Variants in LMTK2 observed in about 807,000 individuals in gnomAD.
LMTK2 encodes lemur tail kinase 2.
LMTK2 carries 37 observed loss-of-function variants against 127.5 expected under a neutral mutation model. That is an observed-to-expected ratio of 0.29 (90% CI 0.22 to 0.38). LMTK2 has a LOEUF of 0.38. LMTK2 is among the 10% of genes least tolerant of loss of function. The probability of loss-of-function intolerance (pLI) is 1.00; values close to 1 mark genes in which losing one functional copy is unlikely to be tolerated. For missense variants in LMTK2, 1,694 were observed against 1,920.3 expected (o/e 0.88, Z 2.20); for synonymous variants, 819 against 810.1 (o/e 1.01, Z -0.19).
chr7:98,122,726 G>GTGTA (rs1416979353), intron 1 of LMTK2, among the ~76,000 whole-genome samples: 99 of 14,206 alleles, frequency 7.0e-3, no homozygotes, highest in African/African-American at 0.016. Context: ...GTGTGTGTGT[G>GTGTA]TATATATATA....
intron 11 of LMTK2, among the ~76,000 whole-genome samples, chr7:98,196,515 G>A (rs1031550439): frequency 1.3e-5 from 2 of 152,196 alleles, no homozygotes; most frequent in Admixed American, 1.3e-4. Context: ...GGACGGAACT[G>A]TCAACTGTGC....
intron 2 of LMTK2, among the ~76,000 whole-genome samples, chr7:98,139,279 T>C (rs1796643391): frequency 6.6e-6 from 1 of 152,150 alleles, no homozygotes; most frequent in South Asian, 2.1e-4. Flanking sequence ...CATTCCCTGC[T>C]AAGTTTTGTA....
At chr7:98,137,683 A>G (rs898555618) in intron 2 of LMTK2, among the ~76,000 whole-genome samples, 24 of 152,262 alleles carry the variant, frequency 1.6e-4, no homozygotes, top group Non-Finnish European at 2.9e-4. Flanking sequence ...CTTTGTGCCA[A>G]TAAAACTTTA....
chr7:98,188,997 C>T (rs1797479360), intron 9 of LMTK2, among the ~76,000 whole-genome samples: 1 of 152,182 alleles, frequency 6.6e-6, no homozygotes, highest in African/African-American at 2.4e-5. Context: ...CCCTTCACTC[C>T]TTTTCATTCT....
At chr7:98,164,123 CCT>C (rs1797055632) in intron 6 of LMTK2, among the ~76,000 whole-genome samples, 1 of 152,186 alleles carries the variant, frequency 6.6e-6, no homozygotes, top group Admixed American at 6.5e-5. Flanking sequence ...AATGAAAACT[CCT>C]CTGAGTGCAT....
intron 1 of LMTK2, among the ~76,000 whole-genome samples, chr7:98,112,022 T>C (rs1036020008): frequency 1.3e-5 from 2 of 152,250 alleles, no homozygotes; most frequent in African/African-American, 4.8e-5. Context: ...ATGCTGATTT[T>C]AATTTATTTA....
At chr7:98,137,085 G>C (rs904252314) in intron 1 of LMTK2, among the ~76,000 whole-genome samples, 1 of 152,138 alleles carries the variant, frequency 6.6e-6, no homozygotes. Flanking sequence ...GTGGAAGCTG[G>C]GTGAAGGCTG....
intron 6 of LMTK2, among the ~76,000 whole-genome samples, chr7:98,166,548 G>T (rs1463556285): frequency 6.6e-6 from 1 of 152,160 alleles, no homozygotes; most frequent in Non-Finnish European, 1.5e-5. Flanking sequence ...AAGTAAAAAA[G>T]TTACAGTAAG....
chr7:98,159,484 T>C, intron 6 of LMTK2, 59 bp downstream of exon 6: 1 of 1,148,566 alleles, frequency 8.7e-7, no homozygotes. Context: ...CAAGTGTTTT[T>C]GACAGATGGA....
At chr7:98,117,061 C>T (rs1562895094) in intron 1 of LMTK2, among the ~76,000 whole-genome samples, 1 of 152,226 alleles carries the variant, frequency 6.6e-6, no homozygotes, top group Non-Finnish European at 1.5e-5. Flanking sequence ...CACTTGATCA[C>T]CTGGCTGAGT....
At chr7:98,120,933 T>G (rs1796351853) in intron 1 of LMTK2, among the ~76,000 whole-genome samples, 1 of 152,190 alleles carries the variant, frequency 6.6e-6, no homozygotes, top group African/African-American at 2.4e-5. Context: ...TAGTTTTCTG[T>G]ATTGAAAAGA....
chr7:98,193,866 A>G lies in LMTK2; in HGVS notation c.3401A>G (p.Gln1134Arg). 6.2e-7 allele frequency: 1 copy of G among 1,614,058 alleles called. No homozygotes were observed. The highest frequency in any genetic ancestry group is 8.5e-7 in the Non-Finnish European group (1 of 1,180,036). ...TCCGCCTTGGTGTTGGTACAGGAGCAGCCCCTACCCGAGCCAGTCCTCCCC... is the reference window on the plus strand; with the variant it reads ...TCCGCCTTGGTGTTGGTACAGGAGCGGCCCCTACCCGAGCCAGTCCTCCCC... ...SPSALVLVQEQPLPEPVLPEQ... is the reference protein window; with the variant it reads ...SPSALVLVQERPLPEPVLPEQ... The change falls in exon 11 of 14, where the codon CAG becomes CGG. Residue 1134 changes from glutamine to arginine, a missense_variant. Physicochemically the swap from Gln to Arg is conservative, Grantham distance 43. Coordinates refer to ENST00000297293, the MANE Select transcript of LMTK2 (RefSeq NM_014916.4). This position sits in a 1 kb window ranked among gnomAD's most constrained non-coding sequence, Gnocchi z 4.1.
intron 2 of LMTK2, among the ~76,000 whole-genome samples, chr7:98,139,844 A>G (rs921819575): frequency 1.3e-5 from 2 of 152,198 alleles, no homozygotes; most frequent in Non-Finnish European, 2.9e-5. Context: ...ATAAAAGTTC[A>G]TAGACTGTTC....
chr7:98,179,504 G>A (rs1797321018), intron 7 of LMTK2, among the ~76,000 whole-genome samples: 1 of 152,158 alleles, frequency 6.6e-6, no homozygotes, highest in Non-Finnish European at 1.5e-5. Flanking sequence ...AGTCGCAGCT[G>A]TTGGCCCAGT....
chr7:98,164,657 G>A (rs1797065805), intron 6 of LMTK2, among the ~76,000 whole-genome samples: 1 of 152,162 alleles, frequency 6.6e-6, no homozygotes, highest in African/African-American at 2.4e-5. Flanking sequence ...CAGGATCACT[G>A]GGGAAGGCTT....
chr7:98,133,312 A>C (rs1486140141), intron 1 of LMTK2, among the ~76,000 whole-genome samples: 1 of 152,068 alleles, frequency 6.6e-6, no homozygotes, highest in Non-Finnish European at 1.5e-5. Flanking sequence ...TTTCTTTATC[A>C]GGTTCTAACA....
intron 5 of LMTK2, among the ~76,000 whole-genome samples, chr7:98,158,317 C>T (rs1219343496): frequency 6.6e-6 from 1 of 152,160 alleles, no homozygotes; most frequent in Non-Finnish European, 1.5e-5. Flanking sequence ...TTTTGTCCCC[C>T]GGGCTGGAGT....
At chr7:98,177,684 G>T (rs746205436) in intron 7 of LMTK2, among the ~76,000 whole-genome samples, 4 of 152,030 alleles carry the variant, frequency 2.6e-5, no homozygotes, top group Non-Finnish European at 5.9e-5. Flanking sequence ...CCAGCCAGAG[G>T]CGTTTTCCCT....
intron 1 of LMTK2, among the ~76,000 whole-genome samples, chr7:98,135,506 G>T (rs1796584197): frequency 6.6e-6 from 1 of 151,832 alleles, no homozygotes; most frequent in Non-Finnish European, 1.5e-5. Context: ...ATTTTTTGTA[G>T]ATATGGAGTC....
Sources: gnomAD v4.1 joint callset for allele counts (sites outside exome capture counted in the v4.1 genomes callset) on GRCh38, gnomAD v4.1.1 for gene constraint, Gnocchi (gnomAD v3.1) non-coding constraint, MANE v1.5 for transcripts, NCBI Gene and HGNC (gene_info 2026-07-23, HGNC 2026-07-21) for gene names.